The following TMEM132B variants were observed in gnomAD, a reference collection of about 807,000 sequenced individuals.
TMEM132B encodes transmembrane protein 132B.
TMEM132B carries 18 observed loss-of-function variants against 90.8 expected under a neutral mutation model. The ratio of observed to expected loss-of-function variants is 0.20; its 90% CI spans 0.14 to 0.29. The LOEUF (loss-of-function observed/expected upper bound fraction) is 0.29, where lower values mean the gene tolerates loss of function less well. Ranked by LOEUF, TMEM132B falls within the 10% of genes least tolerant of loss-of-function variation. TMEM132B has a pLI of 1.00. For missense variants in TMEM132B, 1,096 were observed against 1,326.8 expected, an observed-to-expected ratio of 0.83 and a Z score of 2.70; for synonymous variants, 504 against 523.3, an observed-to-expected ratio of 0.96 and a Z score of 0.50.
chr12:125,487,579 C>A (rs1406531921), intron 3 of TMEM132B, among the ~76,000 whole-genome samples: 4 of 152,086 alleles, frequency 2.6e-5, no homozygotes, highest in African/African-American at 9.7e-5. Context: ...TCCATGGAAA[C>A]CCTGGAAGAT....
chr12:125,567,570 C>T (rs1884689046), intron 4 of TMEM132B, among the ~76,000 whole-genome samples: 1 of 152,198 alleles, frequency 6.6e-6, no homozygotes, highest in Admixed American at 6.5e-5. Context: ...CCAGTCAGCT[C>T]ACAGGAATGA....
intron 4 of TMEM132B, among the ~76,000 whole-genome samples, chr12:125,526,677 G>T (rs1566063636): frequency 6.6e-6 from 1 of 152,166 alleles, no homozygotes; most frequent in Non-Finnish European, 1.5e-5. Context: ...TAGCAAGTCA[G>T]CCTCTACTTC....
intron 5 of TMEM132B, among the ~76,000 whole-genome samples, chr12:125,613,816 A>C (rs1018916465): frequency 6.6e-6 from 1 of 152,102 alleles, no homozygotes; most frequent in African/African-American, 2.4e-5. Flanking sequence ...TAGAGCAAGT[A>C]CATATTTATA....
intron 1 of TMEM132B, among the ~76,000 whole-genome samples, chr12:125,256,180 G>A (rs1874435376): frequency 6.6e-6 from 1 of 152,178 alleles, no homozygotes; most frequent in Non-Finnish European, 1.5e-5. Context: ...GGAATCCGCT[G>A]CACTTTCTTC....
At chr12:125,429,242 C>G (rs1465965715) in intron 3 of TMEM132B, among the ~76,000 whole-genome samples, 3 of 151,788 alleles carry the variant, frequency 2.0e-5, no homozygotes, top group African/African-American at 4.8e-5. Context: ...CTCTATCACC[C>G]AGGCTGGAAT....
rs187045120 is a variant in TMEM132B, at chr12:125,246,383, G to C, written c.67+59517G>C. On this transcript the variant is annotated intron_variant, in intron 1 of 8. Transcript: ENST00000682704. The surrounding 1 kb of genome is among the most constrained non-coding windows in gnomAD (Gnocchi z 4.2). ...GATTATGAATATGAATAGGGGACTCGTTCTGTTCTGAGGAAGTCAGCTTCC... is the reference window on the plus strand; with the variant it reads ...GATTATGAATATGAATAGGGGACTCCTTCTGTTCTGAGGAAGTCAGCTTCC... Among the ~76,000 whole-genome samples, 1 of 152,174 alleles carries C rather than the reference G, an allele frequency of 6.6e-6. No individual in the cohort carries two copies. Among genetic ancestry groups the C allele is most frequent in the Non-Finnish European group, 1.5e-5 (1 of 68,030 alleles).
chr12:125,519,816 C>T (rs1226215448), intron 4 of TMEM132B, among the ~76,000 whole-genome samples, 191 bp downstream of exon 4: 5 of 152,164 alleles, frequency 3.3e-5, no homozygotes, highest in Non-Finnish European at 2.9e-5. Context: ...CCATGTAAAT[C>T]CCTTTTCATT....
At chr12:125,217,230 GCCATAC>G (rs1873457960) in intron 1 of TMEM132B, among the ~76,000 whole-genome samples, 1 of 152,182 alleles carries the variant, frequency 6.6e-6, no homozygotes, top group African/African-American at 2.4e-5. Context: ...CCAGCTGCAG[GCCATAC>G]CTCAGTGGCA....
chr12:125,324,690 G>A (rs1289602014), intron 1 of TMEM132B, among the ~76,000 whole-genome samples: 1 of 152,140 alleles, frequency 6.6e-6, no homozygotes, highest in African/African-American at 2.4e-5. Context: ...TTCCCCTTAT[G>A]ACGTGAAACA....
At chr12:125,649,586 T>A (rs1234145733) in intron 6 of TMEM132B, among the ~76,000 whole-genome samples, 1 of 152,204 alleles carries the variant, frequency 6.6e-6, no homozygotes, top group Non-Finnish European at 1.5e-5. Context: ...GGCTGTTGTG[T>A]GCTGCGTGGG....
At chr12:125,196,459 G>A (rs1872928327) in intron 1 of TMEM132B, among the ~76,000 whole-genome samples, 1 of 152,206 alleles carries the variant, frequency 6.6e-6, no homozygotes, top group South Asian at 2.1e-4. Context: ...TGTAATCCCA[G>A]CACTTTGGGA....
chr12:125,303,086 ACT>A (rs1467172852), intron 1 of TMEM132B, among the ~76,000 whole-genome samples: 2 of 151,734 alleles, frequency 1.3e-5, no homozygotes, highest in Non-Finnish European at 2.9e-5. Flanking sequence ...ACAGAGCGAG[ACT>A]CTGCATATTA....
At chr12:125,451,444 A>C (rs925995645) in intron 3 of TMEM132B, among the ~76,000 whole-genome samples, 3 of 152,240 alleles carry the variant, frequency 2.0e-5, no homozygotes, top group East Asian at 3.8e-4. Flanking sequence ...AAGAATAAGA[A>C]AACAACAATG....
intron 1 of TMEM132B, among the ~76,000 whole-genome samples, chr12:125,207,910 A>G (rs1873220076): frequency 6.6e-6 from 1 of 152,224 alleles, no homozygotes; most frequent in Non-Finnish European, 1.5e-5. Context: ...CCTTTTTAAG[A>G]CTGAATAACA....
At chr12:125,590,350 T>C (rs1885288588) in intron 5 of TMEM132B, among the ~76,000 whole-genome samples, 1 of 152,174 alleles carries the variant, frequency 6.6e-6, no homozygotes, top group African/African-American at 2.4e-5. Flanking sequence ...CTTTTCCCAG[T>C]CCTAAGCACT....
chr12:125,375,323 A>G (rs1006828358), intron 2 of TMEM132B, among the ~76,000 whole-genome samples: 2 of 152,204 alleles, frequency 1.3e-5, no homozygotes, highest in Non-Finnish European at 2.9e-5. Context: ...TTTTCAAGGG[A>G]AAAGAAGTGT....
chr12:125,241,691 T>C (rs1438393763), intron 1 of TMEM132B, among the ~76,000 whole-genome samples: 1 of 152,208 alleles, frequency 6.6e-6, no homozygotes, highest in Non-Finnish European at 1.5e-5. Context: ...TTTGGACTTC[T>C]GGTCTCCAGG....
chr12:125,633,167 A>G lies in TMEM132B; in HGVS notation c.1438-10909A>G, dbSNP rs145946703. ...TTTCAAATAACTTGTCTTCAAGCTC[A>G]CTGATTCTTTCTTGAATCTCCTTGT... On this transcript the variant is annotated intron_variant, in intron 5 of 8. Coordinates refer to ENST00000682704, the MANE Select transcript of TMEM132B (RefSeq NM_001366854.1). 3.5e-4 allele frequency among the ~76,000 whole-genome samples: 53 copies of G among 152,286 alleles called. 1 individual carries two copies. Among genetic ancestry groups the G allele is most frequent in the African/African-American group, 1.3e-3 (52 of 41,558 alleles).
At chr12:125,530,246 T>A (rs1013679092) in intron 4 of TMEM132B, among the ~76,000 whole-genome samples, 1 of 151,128 alleles carries the variant, frequency 6.6e-6, no homozygotes, top group African/African-American at 2.4e-5. Context: ...TTTTTTTTTT[T>A]AAACCATTTC....
Sources: gnomAD v4.1 joint callset for allele counts (sites outside exome capture counted in the v4.1 genomes callset) on GRCh38, gnomAD v4.1.1 for gene constraint, Gnocchi (gnomAD v3.1) non-coding constraint, MANE v1.5 for transcripts, NCBI Gene and HGNC (gene_info 2026-07-23, HGNC 2026-07-21) for gene names.